ABCC4: variants seen among roughly 807,000 people sequenced by gnomAD.
The protein encoded by ABCC4 is ATP-binding cassette sub-family C member 4.
ABCC4 carries 102 observed loss-of-function variants against 168.5 expected under a neutral mutation model. The observed-to-expected ratio is 0.61, with a 90% CI of 0.52 to 0.71. The LOEUF (loss-of-function observed/expected upper bound fraction) is 0.71, where lower values mean the gene tolerates loss of function less well. ABCC4 is among the 30% of genes least tolerant of loss of function. The pLI, the probability that ABCC4 is intolerant of heterozygous loss-of-function variation, is 0.00. For synonymous variants in ABCC4, 617 were observed against 590.7 expected, an observed-to-expected ratio of 1.04 and a Z score of -0.65; for missense variants, 1,402 against 1,605.8, an observed-to-expected ratio of 0.87 and a Z score of 2.17.
At chr13:95,053,742 C>T (rs1428884982) in intron 26 of ABCC4, 3 of 155,970 alleles carry the variant, frequency 1.9e-5, no homozygotes, top group Admixed American at 6.2e-5. Context: ...TTTGGGAGGT[C>T]GAGGCGGGTG....
chr13:95,236,014 T>C (rs1008853080), intron 3 of ABCC4, among the ~76,000 whole-genome samples: 1 of 152,126 alleles, frequency 6.6e-6, no homozygotes, highest in African/African-American at 2.4e-5. Flanking sequence ...GCTTACCTTC[T>C]GAACAAGATG....
intron 19 of ABCC4, among the ~76,000 whole-genome samples, chr13:95,122,600 C>T (rs1461357167): frequency 1.3e-5 from 2 of 152,168 alleles, no homozygotes; most frequent in Admixed American, 1.3e-4. Flanking sequence ...TTCCTCCTGG[C>T]CGTGTGTCCC....
intron 6 of ABCC4, among the ~76,000 whole-genome samples, chr13:95,208,955 T>G (rs2038867922): frequency 6.6e-6 from 1 of 152,234 alleles, no homozygotes; most frequent in African/African-American, 2.4e-5. Context: ...CTACTAGGAC[T>G]GTGTGATTTT....
At chr13:95,198,772 G>A (rs920205327) in intron 8 of ABCC4, among the ~76,000 whole-genome samples, 3 of 152,194 alleles carry the variant, frequency 2.0e-5, no homozygotes, top group Non-Finnish European at 2.9e-5. Context: ...GGAATACTAT[G>A]CAGCCATAAA....
At chr13:95,100,919 T>C (rs2034779680) in intron 20 of ABCC4, among the ~76,000 whole-genome samples, 1 of 152,154 alleles carries the variant, frequency 6.6e-6, no homozygotes, top group South Asian at 2.1e-4. Flanking sequence ...CATTGTTCAG[T>C]GTGCTTTCTA....
intron 4 of ABCC4, among the ~76,000 whole-genome samples, chr13:95,219,193 C>A (rs1452350370): frequency 6.6e-6 from 1 of 152,156 alleles, no homozygotes; most frequent in East Asian, 1.9e-4. Flanking sequence ...GGGCCACATC[C>A]CCCCACCATG....
chr13:95,206,163 G>T (rs1015791098), intron 8 of ABCC4, among the ~76,000 whole-genome samples: 1 of 152,170 alleles, frequency 6.6e-6, no homozygotes, highest in African/African-American at 2.4e-5. Flanking sequence ...CCAGCCCACA[G>T]AAGAATCATA....
At chr13:95,058,440 G>A (rs191462178) in intron 26 of ABCC4, among the ~76,000 whole-genome samples, 141 of 151,500 alleles carry the variant, frequency 9.3e-4, no homozygotes, top group African/African-American at 3.2e-3. Context: ...GTGGTGGCAC[G>A]CACCTGTAAT....
chr13:95,159,867 G>T (rs1235598352), intron 19 of ABCC4, among the ~76,000 whole-genome samples: 2 of 152,132 alleles, frequency 1.3e-5, no homozygotes, highest in Non-Finnish European at 2.9e-5. Context: ...AAACAGAGAG[G>T]GTAGGAGTAA....
intron 10 of ABCC4, 119 bp from the exon 11 acceptor site, chr13:95,187,011 A>C (rs2038086632): frequency 2.5e-6 from 2 of 796,106 alleles, no homozygotes; most frequent in Non-Finnish European, 3.7e-6. Context: ...CATTTAAAAG[A>C]GCACAGGAAG....
chr13:95,117,373 G>A (rs2035415951), intron 19 of ABCC4, among the ~76,000 whole-genome samples: 1 of 152,080 alleles, frequency 6.6e-6, no homozygotes, highest in Non-Finnish European at 1.5e-5. Context: ...GCATGCCACC[G>A]GGGAGGAAGC....
At chr13:95,252,415 C>T (rs879876154) in intron 1 of ABCC4, among the ~76,000 whole-genome samples, 10 of 152,120 alleles carry the variant, frequency 6.6e-5, no homozygotes, top group Admixed American at 3.3e-4. Flanking sequence ...GTGGCTCACA[C>T]CTGTAATCCT....
At chr13:95,185,469 A>C (rs1049064335) in intron 11 of ABCC4, among the ~76,000 whole-genome samples, 7 of 152,216 alleles carry the variant, frequency 4.6e-5, no homozygotes, top group Non-Finnish European at 7.3e-5. Flanking sequence ...TCGCCAGCAA[A>C]TACTACTCAC....
chr13:95,030,752 G>C (rs560121187), intron 30 of ABCC4, among the ~76,000 whole-genome samples: 1 of 152,294 alleles, frequency 6.6e-6, no homozygotes, highest in African/African-American at 2.4e-5. Context: ...ACTCCAGCAC[G>C]GAAGTGTGAG....
chr13:95,224,178 T>A (rs1033317788), intron 4 of ABCC4, among the ~76,000 whole-genome samples: 4 of 108,064 alleles, frequency 3.7e-5, no homozygotes, highest in African/African-American at 1.0e-4. Context: ...AAAAAATCAG[T>A]ATCAAAGAGA....
chr13:95,223,883 G>A (rs9516545), intron 4 of ABCC4, among the ~76,000 whole-genome samples: 116,273 of 151,948 alleles, frequency 0.77, 44,957 homozygotes, highest in Non-Finnish European at 0.84. Flanking sequence ...AAAAATCACT[G>A]GCTGGTCTTA....
At position 95,188,637 on chromosome 13, in the gene ABCC4, T is replaced by A. The variant is rs945940152; in HGVS notation, c.1264-95A>T. Reference sequence around the variant, plus strand: ...AAACAATACAACAGTCATTGATACATGAACATAACCCAAATCTTTCTCCTT... The same window carrying A: ...AAACAATACAACAGTCATTGATACAAGAACATAACCCAAATCTTTCTCCTT... On this transcript the variant is annotated intron_variant, in intron 9 of 30. Coordinates refer to ENST00000645237, the MANE Select transcript of ABCC4 (RefSeq NM_005845.5). 19 of 944,136 alleles carry A rather than the reference T, an allele frequency of 2.0e-5. No homozygotes were observed. In the African/African-American group the frequency reaches 2.8e-4, roughly 14 times the overall value. 58.5% of individuals were successfully genotyped at this position (944,136 alleles called of 1,614,324 possible). A position where few individuals can be genotyped will look rare whatever the true frequency, so the allele number is the denominator to read the frequency against.
intron 25 of ABCC4, among the ~76,000 whole-genome samples, chr13:95,066,156 A>C (rs926135532): frequency 6.6e-6 from 1 of 152,196 alleles, no homozygotes; most frequent in Non-Finnish European, 1.5e-5. Context: ...CTTCATATCA[A>C]ATCACGGCAT....
At chr13:95,229,559 G>A (rs535688759) in intron 4 of ABCC4, among the ~76,000 whole-genome samples, 1 of 152,238 alleles carries the variant, frequency 6.6e-6, no homozygotes, top group Non-Finnish European at 1.5e-5. Context: ...CCCACTGCAG[G>A]AACCACCACG....
Sources: allele counts gnomAD v4.1 joint callset (sites outside exome capture counted in the v4.1 genomes callset), GRCh38; gene constraint gnomAD v4.1.1; transcripts MANE v1.5; gene names NCBI Gene and HGNC (gene_info 2026-07-23, HGNC 2026-07-21).